The following CAV1 variants were observed in gnomAD, a reference collection of about 807,000 sequenced individuals.
The protein encoded by CAV1 is caveolin 1.
A neutral mutation model predicts 16.5 loss-of-function variants in CAV1; 10 were observed. The ratio of observed to expected loss-of-function variants is 0.61; its 90% CI spans 0.37 to 1.03. CAV1 has a LOEUF of 1.03. Ranked by LOEUF, CAV1 falls within the 50% of genes least tolerant of loss-of-function variation. CAV1 has a pLI of 0.01. For synonymous variants in CAV1, 76 were observed against 85.1 expected, an observed-to-expected ratio of 0.89 and a Z score of 0.59; for missense variants, 212 against 232.8, an observed-to-expected ratio of 0.91 and a Z score of 0.58.
rs191961225 is a variant in CAV1 at position 116,538,908 on chromosome 7, G to A, written c.195+12219G>A. On this transcript the variant is annotated intron_variant, in intron 2 of 2. Transcript: ENST00000341049. The stretch of plus-strand genomic sequence containing the variant: ...ACCCCTTATAAAAGCATCAGATTTC[G>A]TGGGACTTATCACTACCACAAGAAC... 1.1e-3 allele frequency among the ~76,000 whole-genome samples: 164 copies of A among 152,256 alleles called. 1 individual carries two copies. The highest frequency in any genetic ancestry group is 3.6e-3 in the African/African-American group (150 of 41,548).
intron 2 of CAV1, among the ~76,000 whole-genome samples, chr7:116,548,885 T>C (rs1300656111): frequency 6.6e-6 from 1 of 152,124 alleles, no homozygotes; most frequent in African/African-American, 2.4e-5. Flanking sequence ...TTATTGCTAT[T>C]CCAAGGCCCG....
chr7:116,552,820 T>G (rs1391426596), intron 2 of CAV1, among the ~76,000 whole-genome samples: 1 of 152,110 alleles, frequency 6.6e-6, no homozygotes, highest in Non-Finnish European at 1.5e-5. Flanking sequence ...AACCAATCAC[T>G]CACCAAGAAG....
At chr7:116,549,903 C>T (rs972388417) in intron 2 of CAV1, among the ~76,000 whole-genome samples, 3 of 152,160 alleles carry the variant, frequency 2.0e-5, no homozygotes, top group South Asian at 4.1e-4. Context: ...TTAGTCACTA[C>T]AGGTGACTAC....
intron 2 of CAV1, among the ~76,000 whole-genome samples, chr7:116,550,659 C>T (rs66916956): frequency 0.18 from 28,036 of 152,114 alleles, 2,945 homozygotes; most frequent in African/African-American, 0.28. Flanking sequence ...GGAAGCTCAA[C>T]GTGTTAAAAA....
In CAV1 at chr7:116,559,993, A is replaced by G; in HGVS notation, c.*706A>G. 1 of 396,662 alleles carries G rather than the reference A, an allele frequency of 2.5e-6. No homozygotes were observed. Among genetic ancestry groups the G allele is most frequent in the Non-Finnish European group, 4.4e-6 (1 of 225,138 alleles). 24.6% of individuals were successfully genotyped at this position (396,662 alleles called of 1,614,324 possible). A position where few individuals can be genotyped will look rare whatever the true frequency, so the allele number is the denominator to read the frequency against. On this transcript the variant is annotated 3_prime_UTR_variant, in exon 3 of 3. Transcript: ENST00000341049. ...TTTTCAAATAGGGTCTAACTCAGCA[A>G]CTCGCTTTAGGTCAGCAGCCTCCCT...
rs1793525829 is a variant in CAV1, at chr7:116,525,071, G to A, written c.9G>A (p.Gly3=). The part of the protein sequence containing the change: MS[G]GKYVDSEGHL... ...TCCAGCCACGGGCCAGCATGTCTGG[G>A]GGCAAATACGTAGACTCGGAGGTAG... The change falls in exon 1 of 3, where the codon GGG becomes GGA. Residue 3 remains glycine (G), a synonymous_variant. Coordinates refer to ENST00000341049, the MANE Select transcript of CAV1 (RefSeq NM_001753.5). 8 of 1,614,082 alleles carry A rather than the reference G, an allele frequency of 5.0e-6. No individual in the cohort carries two copies. Among genetic ancestry groups the A allele is most frequent in the Non-Finnish European group, 6.8e-6 (8 of 1,180,052 alleles).
intron 2 of CAV1, among the ~76,000 whole-genome samples, chr7:116,541,737 G>A (rs1444241325): frequency 7.3e-6 from 1 of 137,300 alleles, no homozygotes; most frequent in Non-Finnish European, 1.5e-5. Flanking sequence ...CTGGGCAACC[G>A]AGTGAGAGCC....
At chr7:116,542,328 G>A (rs1280314857) in intron 2 of CAV1, among the ~76,000 whole-genome samples, 1 of 152,134 alleles carries the variant, frequency 6.6e-6, no homozygotes, top group African/African-American at 2.4e-5. Context: ...ATCATCTGGG[G>A]AACATTTAAA....
At chr7:116,557,544 A>G (rs1380071721) in intron 2 of CAV1, among the ~76,000 whole-genome samples, 1 of 152,142 alleles carries the variant, frequency 6.6e-6, no homozygotes, top group African/African-American at 2.4e-5. Context: ...TGTAGTTTAT[A>G]TAAATCTTTA....
chr7:116,539,299 C>T (rs1449571163), intron 2 of CAV1, among the ~76,000 whole-genome samples: 1 of 152,142 alleles, frequency 6.6e-6, no homozygotes, highest in Non-Finnish European at 1.5e-5. Flanking sequence ...CTCTCCCTTC[C>T]TTCTCACCCC....
At chr7:116,526,800 ACG>A in intron 2 of CAV1, 111 bp downstream of exon 2, 8 of 1,141,788 alleles carry the variant, frequency 7.0e-6, no homozygotes, top group Non-Finnish European at 1.0e-5. Context: ...CGCCCCCTAC[ACG>A]CGCACACACA....
At chr7:116,556,699 C>A (rs1584786541) in intron 2 of CAV1, among the ~76,000 whole-genome samples, 1 of 152,272 alleles carries the variant, frequency 6.6e-6, no homozygotes, top group East Asian at 1.9e-4. Context: ...AGGTAGGAAT[C>A]CTCTGCTCCC....
At chr7:116,557,344 G>T (rs1454378969) in intron 2 of CAV1, among the ~76,000 whole-genome samples, 1 of 152,170 alleles carries the variant, frequency 6.6e-6, no homozygotes, top group African/African-American at 2.4e-5. Context: ...TTGGCACTGA[G>T]TAGCTCCGTG....
intron 2 of CAV1, among the ~76,000 whole-genome samples, chr7:116,550,903 T>G (rs1794146486): frequency 6.6e-6 from 1 of 152,208 alleles, no homozygotes; most frequent in African/African-American, 2.4e-5. Context: ...GGGCTTAAAT[T>G]AGCAAAAGCC....
At chr7:116,532,719 A>T (rs1793710372) in intron 2 of CAV1, among the ~76,000 whole-genome samples, 1 of 152,240 alleles carries the variant, frequency 6.6e-6, no homozygotes, top group Non-Finnish European at 1.5e-5. Context: ...GATTGTGCCA[A>T]GATTAGAAAA....
At chr7:116,549,330 A>G (rs1794113247) in intron 2 of CAV1, among the ~76,000 whole-genome samples, 3 of 152,170 alleles carry the variant, frequency 2.0e-5, no homozygotes, top group Non-Finnish European at 2.9e-5. Flanking sequence ...CACGGGAGAA[A>G]ACCCAAACAA....
At chr7:116,529,300 T>C (rs770678364) in intron 2 of CAV1, among the ~76,000 whole-genome samples, 23 of 152,176 alleles carry the variant, frequency 1.5e-4, no homozygotes, top group Non-Finnish European at 2.9e-4. Context: ...GAAAAGTTGG[T>C]CCTAAAAGCA....
chr7:116,560,469 G>A lies in CAV1; in HGVS notation c.*1182G>A, dbSNP rs6867. ...CCTGCTCAGTAAAGCACTTGCAACC[G>A]TCTGTTATGCTGTGACACATGGCCC... On this transcript the variant is annotated 3_prime_UTR_variant, in exon 3 of 3. Transcript: ENST00000341049. 28,931 of 152,102 alleles carry A rather than the reference G, an allele frequency of 0.19. 3,180 individuals are homozygous for A. Among genetic ancestry groups the A allele is most frequent in the African/African-American group, 0.29 (12,155 of 41,446 alleles). The allele number at this position is 152,102 out of a possible 1,614,324, so 9.4% of individuals were successfully genotyped here.
intron 2 of CAV1, among the ~76,000 whole-genome samples, chr7:116,544,549 G>A (rs981583535): frequency 2.0e-5 from 3 of 152,104 alleles, no homozygotes; most frequent in Non-Finnish European, 4.4e-5. Flanking sequence ...AAAAGAAGGT[G>A]GGGGCTAGAA....
Sources: gnomAD v4.1 joint callset for allele counts (sites outside exome capture counted in the v4.1 genomes callset) on GRCh38, gnomAD v4.1.1 for gene constraint, MANE v1.5 for transcripts, NCBI Gene and HGNC (gene_info 2026-07-23, HGNC 2026-07-21) for gene names.